Variants in RNGTT observed in about 807,000 individuals in gnomAD.
RNGTT encodes mRNA-capping enzyme.
A neutral mutation model predicts 79.3 loss-of-function variants in RNGTT; 33 were observed. The observed-to-expected ratio is 0.42, with a 90% confidence interval of 0.32 to 0.56. RNGTT has a LOEUF of 0.56. Ranked by LOEUF, RNGTT falls within the 20% of genes least tolerant of loss-of-function variation. RNGTT has a pLI of 0.17. For missense variants in RNGTT, 497 were observed against 739.1 expected (o/e 0.67, Z 3.80); for synonymous variants, 222 against 235.9 (o/e 0.94, Z 0.54).
At chr6:88,649,849 G>C (rs1188975134) in intron 14 of RNGTT, among the ~76,000 whole-genome samples, 1 of 152,172 alleles carries the variant, frequency 6.6e-6, no homozygotes, top group African/African-American at 2.4e-5. Context: ...GATGTTAACT[G>C]TCCTGGCCAA....
intron 13 of RNGTT, among the ~76,000 whole-genome samples, chr6:88,680,168 G>A (rs972544139): frequency 2.0e-5 from 3 of 152,038 alleles, no homozygotes; most frequent in Non-Finnish European, 4.4e-5. Flanking sequence ...CAAGATTATC[G>A]TAACCATCTC....
At chr6:88,917,874 G>A (rs1784048217) in intron 4 of RNGTT, among the ~76,000 whole-genome samples, 2 of 152,056 alleles carry the variant, frequency 1.3e-5, no homozygotes, top group Admixed American at 1.3e-4. Context: ...GCGACAGAGC[G>A]AGACACCATC....
intron 11 of RNGTT, among the ~76,000 whole-genome samples, chr6:88,830,132 A>T (rs1199197063): frequency 6.6e-6 from 1 of 152,194 alleles, no homozygotes; most frequent in African/African-American, 2.4e-5. Flanking sequence ...AATTGAGCAC[A>T]TAATTGGAAG....
chr6:88,896,262 G>C (rs1783242998), intron 6 of RNGTT, among the ~76,000 whole-genome samples: 1 of 152,092 alleles, frequency 6.6e-6, no homozygotes. Flanking sequence ...CAAAGATGGG[G>C]CCTAATAGCT....
intron 1 of RNGTT, among the ~76,000 whole-genome samples, chr6:88,950,124 T>C (rs1043605797): frequency 6.6e-6 from 1 of 152,234 alleles, no homozygotes; most frequent in Non-Finnish European, 1.5e-5. Flanking sequence ...AAAGCCTGGA[T>C]GACATCCCAT....
At chr6:88,762,893 A>G (rs1190874393) in intron 13 of RNGTT, among the ~76,000 whole-genome samples, 1 of 151,940 alleles carries the variant, frequency 6.6e-6, no homozygotes, top group Non-Finnish European at 1.5e-5. Context: ...GCTTAAGAGG[A>G]TCCACTACAG....
chr6:88,801,374 T>C (rs1779777491), intron 12 of RNGTT, among the ~76,000 whole-genome samples, 190 bp downstream of exon 12: 1 of 152,246 alleles, frequency 6.6e-6, no homozygotes, highest in Non-Finnish European at 1.5e-5. Flanking sequence ...TAGTATTACA[T>C]GTATTTAGAT....
chr6:88,794,727 C>T (rs1478541452), intron 12 of RNGTT, among the ~76,000 whole-genome samples: 1 of 152,128 alleles, frequency 6.6e-6, no homozygotes, highest in East Asian at 1.9e-4. Flanking sequence ...TAAAGAGAAC[C>T]ATTTTTGCTT....
intron 11 of RNGTT, among the ~76,000 whole-genome samples, chr6:88,818,745 A>ATTTTC (rs1438132154): frequency 6.6e-6 from 1 of 152,266 alleles, no homozygotes; most frequent in African/African-American, 2.4e-5. Context: ...AAAAGCCATA[A>ATTTTC]TCAACAAGAG....
intron 11 of RNGTT, among the ~76,000 whole-genome samples, chr6:88,835,205 T>C (rs568525708): frequency 3.3e-5 from 5 of 152,260 alleles, no homozygotes; most frequent in Non-Finnish European, 7.4e-5. Context: ...TGTTCTTTTG[T>C]TTTCTTTTTT....
intron 1 of RNGTT, 128 bp from the exon 2 acceptor site, chr6:88,941,308 C>T (rs1582157189): frequency 3.2e-6 from 2 of 626,230 alleles, no homozygotes; most frequent in East Asian, 5.6e-5. Context: ...CGCTCTGTCC[C>T]CCAGGATAGA....
At chr6:88,740,897 A>T (rs113108878) in intron 13 of RNGTT, among the ~76,000 whole-genome samples, 1,915 of 152,162 alleles carry the variant, frequency 0.013, 53 homozygotes, top group Non-Finnish European at 0.013. Flanking sequence ...TAAAATTTTT[A>T]AAAAAAAGAA....
intron 10 of RNGTT, among the ~76,000 whole-genome samples, chr6:88,845,521 T>C (rs1266139520): frequency 6.6e-6 from 1 of 152,212 alleles, no homozygotes; most frequent in African/African-American, 2.4e-5. Flanking sequence ...CATAAGCTAC[T>C]CTTTTATTTT....
chr6:88,835,176 G>A (rs1224302103), intron 11 of RNGTT, among the ~76,000 whole-genome samples: 6 of 152,056 alleles, frequency 3.9e-5, no homozygotes, highest in Non-Finnish European at 8.8e-5. Flanking sequence ...TTTGCCACTA[G>A]GAACTTCAAG....
intron 12 of RNGTT, among the ~76,000 whole-genome samples, chr6:88,783,121 T>C (rs151264205): frequency 1.6e-3 from 239 of 152,218 alleles, no homozygotes; most frequent in Admixed American, 2.3e-3. Flanking sequence ...TTATGCACAA[T>C]AGCGAAGATA....
intron 1 of RNGTT, among the ~76,000 whole-genome samples, chr6:88,946,218 T>C (rs1361232642): frequency 6.6e-6 from 1 of 152,214 alleles, no homozygotes; most frequent in Non-Finnish European, 1.5e-5. Context: ...AGCTTTTTTA[T>C]TATTATTATA....
At chr6:88,958,086 C>T (rs1785494626) in intron 1 of RNGTT, among the ~76,000 whole-genome samples, 1 of 152,150 alleles carries the variant, frequency 6.6e-6, no homozygotes, top group Non-Finnish European at 1.5e-5. Context: ...CACTTACAGC[C>T]AACTGATCTT....
At chr6:88,627,136 A>G (rs1467159382) in intron 14 of RNGTT, among the ~76,000 whole-genome samples, 1 of 152,092 alleles carries the variant, frequency 6.6e-6, no homozygotes, top group Non-Finnish European at 1.5e-5. Flanking sequence ...GATGTTGCCC[A>G]TTTTTTAAGA....
chr6:88,774,965 A>C (rs1193638394), intron 12 of RNGTT, among the ~76,000 whole-genome samples: 1 of 152,196 alleles, frequency 6.6e-6, no homozygotes, highest in African/African-American at 2.4e-5. Context: ...AAAGCTTTGT[A>C]AATAATTGTG....
Sources: allele counts gnomAD v4.1 joint callset (sites outside exome capture counted in the v4.1 genomes callset), GRCh38; gene constraint gnomAD v4.1.1; transcripts MANE v1.5; gene names NCBI Gene and HGNC (gene_info 2026-07-23, HGNC 2026-07-21).